Variants in DCC observed in about 807,000 individuals in gnomAD.
DCC encodes the protein DCC netrin 1 receptor, also known as netrin receptor DCC.
A neutral mutation model predicts 172.5 loss-of-function variants in DCC; 58 were observed. The observed-to-expected ratio is 0.34, with a 90% confidence interval of 0.27 to 0.42. The LOEUF is 0.42. Ranked by LOEUF, DCC falls within the 10% of genes least tolerant of loss-of-function variation. The probability of loss-of-function intolerance (pLI) is 1.00; values close to 1 mark genes in which losing one functional copy is unlikely to be tolerated. For synonymous variants in DCC, 709 were observed against 644.5 expected (o/e 1.10, Z -1.52); for missense variants, 1,740 against 1,791.0 (o/e 0.97, Z 0.51).
chr18:53,500,757 T>G (rs2046087729), intron 27 of DCC, among the ~76,000 whole-genome samples: 1 of 151,862 alleles, frequency 6.6e-6, no homozygotes, highest in Non-Finnish European at 1.5e-5. Flanking sequence ...CGTTCCACTA[T>G]GGAGTCTTCC....
chr18:53,482,951 A>G (rs2045853159), intron 25 of DCC, among the ~76,000 whole-genome samples: 1 of 151,968 alleles, frequency 6.6e-6, no homozygotes, highest in African/African-American at 2.4e-5. Flanking sequence ...TATATACCCC[A>G]GGAGAGTAAA....
chr18:53,157,568 C>A, intron 8 of DCC, 56 bp downstream of exon 8: 1 of 1,580,412 alleles, frequency 6.3e-7, no homozygotes, highest in Non-Finnish European at 8.7e-7. Context: ...TAAGTCAATA[C>A]GGTTGGGTAA....
intron 5 of DCC, among the ~76,000 whole-genome samples, chr18:53,041,204 AG>A (rs1260042164): frequency 5.9e-5 from 9 of 152,086 alleles, no homozygotes; most frequent in Non-Finnish European, 1.2e-4. Flanking sequence ...GATGTAAGGA[AG>A]GGGTCCAGTT....
At chr18:53,200,594 G>C (rs2055521706) in intron 9 of DCC, among the ~76,000 whole-genome samples, 2 of 152,204 alleles carry the variant, frequency 1.3e-5, no homozygotes, top group South Asian at 4.1e-4. Context: ...GCTAGGCTTA[G>C]CAGGAGAGGA....
chr18:53,014,704 C>T (rs1011982433), intron 5 of DCC, among the ~76,000 whole-genome samples: 1 of 151,964 alleles, frequency 6.6e-6, no homozygotes, highest in East Asian at 1.9e-4. Flanking sequence ...TATGAGAAGG[C>T]TCACGTGTTC....
chr18:53,215,722 A>G (rs1442103369), intron 12 of DCC, 125 bp downstream of exon 12: 1 of 799,382 alleles, frequency 1.3e-6, no homozygotes, highest in Admixed American at 1.8e-5. Flanking sequence ...ATGTTCTGGA[A>G]CAACACAGCA....
intron 15 of DCC, among the ~76,000 whole-genome samples, chr18:53,347,358 G>A (rs2057737743): frequency 6.6e-6 from 1 of 152,158 alleles, no homozygotes; most frequent in Non-Finnish European, 1.5e-5. Flanking sequence ...TTTTTGGGGG[G>A]ATTGTTTTGT....
intron 1 of DCC, among the ~76,000 whole-genome samples, chr18:52,694,268 A>T (rs865870029): frequency 1.3e-5 from 2 of 152,176 alleles, no homozygotes; most frequent in African/African-American, 4.8e-5. Context: ...CTGAGAAACC[A>T]TCACAGTCCA....
chr18:52,846,578 CCTCTT>C (rs2038893529), intron 2 of DCC, among the ~76,000 whole-genome samples: 1 of 146,568 alleles, frequency 6.8e-6, no homozygotes, highest in Non-Finnish European at 1.5e-5. Context: ...GCTTCCTCCT[CCTCTT>C]CTATCTCCCC....
At chr18:52,841,219 T>A (rs547660444) in intron 2 of DCC, among the ~76,000 whole-genome samples, 1 of 152,094 alleles carries the variant, frequency 6.6e-6, no homozygotes, top group South Asian at 2.1e-4. Context: ...TTGTTGGCTG[T>A]GGAATCATGG....
At position 52,506,986 on chromosome 18, in the gene DCC, C is replaced by T. The variant is rs181443784; in HGVS notation, c.91+166108C>T. On this transcript the variant is annotated intron_variant, in intron 1 of 28. Transcript: ENST00000442544. ...TATTGATTAAAGGCAGAAAAGTGAA[C>T]CTTAAAAAAGTTTCTAAAAGAGAGC... Among the ~76,000 whole-genome samples, 489 of 151,838 alleles carry T rather than the reference C, an allele frequency of 3.2e-3. 10 individuals carry two copies. Among genetic ancestry groups the T allele is most frequent in the African/African-American group, 0.011 (459 of 41,384 alleles).
At chr18:53,510,755 A>G (rs2046241373) in intron 27 of DCC, among the ~76,000 whole-genome samples, 1 of 152,214 alleles carries the variant, frequency 6.6e-6, no homozygotes, top group South Asian at 2.1e-4. Flanking sequence ...GCTGGGATCA[A>G]CATAGAGAAG....
intron 7 of DCC, among the ~76,000 whole-genome samples, chr18:53,097,436 C>A (rs1465717330): frequency 6.6e-6 from 1 of 152,148 alleles, no homozygotes; most frequent in African/African-American, 2.4e-5. Context: ...TGCCTAACTT[C>A]TATATGCTGG....
chr18:52,349,284 G>A (rs1984014414), intron 1 of DCC, among the ~76,000 whole-genome samples: 1 of 152,138 alleles, frequency 6.6e-6, no homozygotes, highest in South Asian at 2.1e-4. Flanking sequence ...TACTTGCAGA[G>A]GCCTCTGTAG....
intron 24 of DCC, among the ~76,000 whole-genome samples, chr18:53,466,336 C>T (rs764139915): frequency 6.6e-6 from 1 of 152,102 alleles, no homozygotes; most frequent in Admixed American, 6.5e-5. Flanking sequence ...GTCTTGTGAT[C>T]CTTATTTCCC....
intron 7 of DCC, among the ~76,000 whole-genome samples, chr18:53,070,080 A>T (rs1258052914): frequency 6.6e-6 from 1 of 151,954 alleles, no homozygotes; most frequent in East Asian, 1.9e-4. Context: ...CCCAGGTTCA[A>T]GTGATTCTCC....
At chr18:53,172,937 C>A (rs554145603) in intron 8 of DCC, among the ~76,000 whole-genome samples, 31 of 152,078 alleles carry the variant, frequency 2.0e-4, no homozygotes, top group Admixed American at 3.9e-4. Flanking sequence ...TTTTCTAAAT[C>A]TCACTTTCTA....
chr18:53,259,072 C>T (rs1270284628), intron 12 of DCC, among the ~76,000 whole-genome samples: 6 of 152,108 alleles, frequency 3.9e-5, no homozygotes, highest in African/African-American at 1.4e-4. Context: ...GGTAGATCTT[C>T]CTCCATCCCT....
intron 5 of DCC, among the ~76,000 whole-genome samples, chr18:53,022,802 A>G (rs1338662758): frequency 1.3e-5 from 2 of 152,014 alleles, no homozygotes; most frequent in Non-Finnish European, 2.9e-5. Context: ...AGTTTCTGAA[A>G]TTTAAATGTG....
Sources: allele counts gnomAD v4.1 joint callset (sites outside exome capture counted in the v4.1 genomes callset), GRCh38; gene constraint gnomAD v4.1.1; transcripts MANE v1.5; gene names NCBI Gene and HGNC (gene_info 2026-07-23, HGNC 2026-07-21).